The following TRAPPC9 variants were observed in gnomAD, a reference collection of about 807,000 sequenced individuals.
TRAPPC9 encodes trafficking protein particle complex subunit 9.
A neutral mutation model predicts 124.0 loss-of-function variants in TRAPPC9; 83 were observed. The observed-to-expected ratio is 0.67, with a 90% confidence interval of 0.56 to 0.80. The LOEUF (loss-of-function observed/expected upper bound fraction) is 0.80, where lower values mean the gene tolerates loss of function less well. Among genes scored for constraint, TRAPPC9 ranks in the 30% least tolerant of loss-of-function variants. The pLI is 0.00. For synonymous variants in TRAPPC9, 638 were observed against 617.5 expected (o/e 1.03, Z -0.49); for missense variants, 1,302 against 1,508.3 (o/e 0.86, Z 2.27).
intron 17 of TRAPPC9, among the ~76,000 whole-genome samples, chr8:140,197,845 G>A (rs1211497556): frequency 6.6e-6 from 1 of 152,204 alleles, no homozygotes; most frequent in African/African-American, 2.4e-5. Context: ...GGCTCAGAAA[G>A]AGCCTTTCCT....
At chr8:140,264,582 A>G (rs2064551989) in intron 15 of TRAPPC9, among the ~76,000 whole-genome samples, 1 of 138,914 alleles carries the variant, frequency 7.2e-6, no homozygotes, top group Non-Finnish European at 1.5e-5. Flanking sequence ...CGGGGGAAAG[A>G]AGAGAGAGAG....
intron 6 of TRAPPC9, among the ~76,000 whole-genome samples, chr8:140,398,951 G>A (rs72692381): frequency 0.074 from 11,316 of 152,318 alleles, 595 homozygotes; most frequent in Non-Finnish European, 0.12. Context: ...ACCATGCTGT[G>A]TACAGCCTAG....
chr8:140,418,705 GC>G (rs1564010730), intron 5 of TRAPPC9, among the ~76,000 whole-genome samples: 1 of 151,628 alleles, frequency 6.6e-6, no homozygotes, highest in African/African-American at 2.4e-5. Flanking sequence ...GGGCGACAAA[GC>G]GAGACTCCAT....
intron 19 of TRAPPC9, among the ~76,000 whole-genome samples, chr8:139,971,041 C>A (rs1836029329): frequency 1.3e-5 from 2 of 152,068 alleles, no homozygotes; most frequent in Admixed American, 6.5e-5. Context: ...TCCTCCTACC[C>A]ACACATCCCG....
At chr8:140,454,196 G>A (rs2071570089) in intron 1 of TRAPPC9, among the ~76,000 whole-genome samples, 3 of 152,118 alleles carry the variant, frequency 2.0e-5, no homozygotes, top group South Asian at 2.1e-4. Flanking sequence ...GGCTGAGGCA[G>A]GAGAATTGCT....
intron 17 of TRAPPC9, among the ~76,000 whole-genome samples, chr8:140,195,906 C>T (rs11774677): frequency 0.064 from 1,837 of 28,548 alleles, 10 homozygotes; most frequent in Middle Eastern, 0.13. Context: ...ATCTGTGACA[C>T]TAAAACACAC....
At chr8:139,794,238 G>A (rs1446082995) in intron 21 of TRAPPC9, among the ~76,000 whole-genome samples, 1 of 152,222 alleles carries the variant, frequency 6.6e-6, no homozygotes, top group East Asian at 1.9e-4. Context: ...ATCCTGCCTG[G>A]CTCTGTGACC....
Position 139,837,231 on chromosome 8 carries a change from G to A in TRAPPC9, c.3055+48648C>T, listed in dbSNP as rs566693762. Among the ~76,000 whole-genome samples, 251 of 152,208 alleles carry A rather than the reference G, an allele frequency of 1.6e-3. 1 individual carries two copies. The highest frequency in any genetic ancestry group is 5.1e-3 in the Admixed American group (78 of 15,292). On this transcript the variant is annotated intron_variant, in intron 21 of 22. Transcript: ENST00000438773. ...CACATGCAAGAGCCCTCCTGCTGCCGCTGTTCACGCCAGCTGGGGGACGTG... is the reference window on the plus strand; with the variant it reads ...CACATGCAAGAGCCCTCCTGCTGCCACTGTTCACGCCAGCTGGGGGACGTG...
At chr8:140,409,939 C>T (rs2069635962) in intron 5 of TRAPPC9, among the ~76,000 whole-genome samples, 1 of 151,996 alleles carries the variant, frequency 6.6e-6, no homozygotes, top group Non-Finnish European at 1.5e-5. Context: ...GAGTTCAAGA[C>T]TAGCCTGATC....
intron 17 of TRAPPC9, among the ~76,000 whole-genome samples, chr8:140,110,168 A>C: frequency 6.6e-6 from 1 of 151,404 alleles, no homozygotes; most frequent in East Asian, 1.9e-4. Context: ...CTCTTCCCAA[A>C]GAGCCCAGCT....
intron 21 of TRAPPC9, among the ~76,000 whole-genome samples, chr8:139,797,772 A>G (rs564588424): frequency 2.0e-5 from 3 of 152,244 alleles, no homozygotes; most frequent in South Asian, 4.2e-4. Context: ...TCTCTATTGA[A>G]CTGTTTGGCA....
intron 17 of TRAPPC9, among the ~76,000 whole-genome samples, chr8:140,068,503 C>T (rs1309615642): frequency 2.0e-5 from 3 of 152,190 alleles, no homozygotes; most frequent in African/African-American, 7.2e-5. Context: ...GAATTTTAAA[C>T]AATTATGAAT....
At chr8:140,002,556 A>G (rs1838471070) in intron 18 of TRAPPC9, among the ~76,000 whole-genome samples, 1 of 152,004 alleles carries the variant, frequency 6.6e-6, no homozygotes, top group South Asian at 2.1e-4. Context: ...AGAGGATTCG[A>G]CCCAATTTTA....
At chr8:139,959,970 A>AGGC (rs529430078) in intron 19 of TRAPPC9, among the ~76,000 whole-genome samples, 258 of 152,308 alleles carry the variant, frequency 1.7e-3, no homozygotes, top group African/African-American at 5.9e-3. Context: ...TGGAGGAAGG[A>AGGC]GGCGGCGGCG....
intron 5 of TRAPPC9, among the ~76,000 whole-genome samples, chr8:140,426,048 T>G (rs571938642): frequency 6.6e-6 from 1 of 152,378 alleles, no homozygotes; most frequent in African/African-American, 2.4e-5. Flanking sequence ...GTTTTCATTT[T>G]GTATTATTTA....
intron 14 of TRAPPC9, among the ~76,000 whole-genome samples, chr8:140,280,015 T>C (rs533845741): frequency 6.6e-6 from 1 of 152,340 alleles, no homozygotes; most frequent in African/African-American, 2.4e-5. Flanking sequence ...CGATCTCCTT[T>C]ATGAGCTCTC....
chr8:140,339,211 C>T (rs988259833), intron 9 of TRAPPC9, among the ~76,000 whole-genome samples: 1 of 152,228 alleles, frequency 6.6e-6, no homozygotes, highest in Non-Finnish European at 1.5e-5. Context: ...CAGCCACCTA[C>T]AGGCCAAAGA....
At chr8:140,449,245 T>C (rs1302347513) in intron 2 of TRAPPC9, among the ~76,000 whole-genome samples, 5 of 152,234 alleles carry the variant, frequency 3.3e-5, no homozygotes, top group South Asian at 2.1e-4. Context: ...GCAGGCACTA[T>C]GGTGGCATGC....
At chr8:140,301,624 C>G (rs6988740) in intron 10 of TRAPPC9, among the ~76,000 whole-genome samples, 1 of 152,108 alleles carries the variant, frequency 6.6e-6, no homozygotes, top group East Asian at 1.9e-4. Context: ...GGACAAGGAG[C>G]AGAGGTGGGA....
Sources: allele counts gnomAD v4.1 joint callset (sites outside exome capture counted in the v4.1 genomes callset), GRCh38; gene constraint gnomAD v4.1.1; transcripts MANE v1.5; gene names NCBI Gene and HGNC (gene_info 2026-07-23, HGNC 2026-07-21).